The following PLCB1 variants were observed in gnomAD, a reference collection of about 807,000 sequenced individuals.
PLCB1 encodes phospholipase C beta 1.
Under a neutral mutation model 161.8 loss-of-function variants are expected in PLCB1, and 46 were observed. The observed-to-expected ratio is 0.28, with a 90% CI of 0.22 to 0.36. The LOEUF (loss-of-function observed/expected upper bound fraction) is 0.36, where lower values mean the gene tolerates loss of function less well. Ranked by LOEUF, PLCB1 falls within the 10% of genes least tolerant of loss-of-function variation. PLCB1 has a pLI of 1.00. For synonymous variants in PLCB1, 517 were observed against 503.7 expected, an observed-to-expected ratio of 1.03 and a Z score of -0.35; for missense variants, 1,016 against 1,472.5, an observed-to-expected ratio of 0.69 and a Z score of 5.07.
intron 31 of PLCB1, among the ~76,000 whole-genome samples, chr20:8,868,981 T>G (rs989089335): frequency 4.6e-5 from 7 of 152,174 alleles, no homozygotes; most frequent in African/African-American, 1.7e-4. Flanking sequence ...GCTGAACCAC[T>G]TGGATGGTAG....
intron 2 of PLCB1, among the ~76,000 whole-genome samples, chr20:8,244,976 A>G (rs561764705): frequency 8.8e-5 from 13 of 148,034 alleles, no homozygotes; most frequent in African/African-American, 3.3e-4. Flanking sequence ...GAGAGGTTCT[A>G]TTTTGGAGGG....
intron 3 of PLCB1, among the ~76,000 whole-genome samples, chr20:8,373,670 T>C (rs1312590935): frequency 6.6e-6 from 1 of 152,220 alleles, no homozygotes; most frequent in Non-Finnish European, 1.5e-5. Flanking sequence ...ACTTACTAAA[T>C]ATTAGCCAAT....
chr20:8,285,789 T>C (rs987579404), intron 2 of PLCB1, among the ~76,000 whole-genome samples: 2 of 152,088 alleles, frequency 1.3e-5, no homozygotes, highest in Admixed American at 1.3e-4. Flanking sequence ...CAGTGCGGGG[T>C]TTGTAGGATA....
At chr20:8,666,415 T>C (rs912004309) in intron 9 of PLCB1, among the ~76,000 whole-genome samples, 6 of 152,074 alleles carry the variant, frequency 3.9e-5, no homozygotes, top group African/African-American at 1.4e-4. Context: ...TTGCTGAGCA[T>C]TGAGAGAAAA....
At chr20:8,656,639 T>G (rs1989464955) in intron 7 of PLCB1, among the ~76,000 whole-genome samples, 1 of 152,000 alleles carries the variant, frequency 6.6e-6, no homozygotes, top group Non-Finnish European at 1.5e-5. Flanking sequence ...GTCCTACTTA[T>G]GAAAACTGTT....
intron 3 of PLCB1, among the ~76,000 whole-genome samples, chr20:8,525,158 GAA>G (rs11475971): frequency 0.063 from 9,481 of 151,202 alleles, 388 homozygotes; most frequent in South Asian, 0.091. Context: ...GGAGAAGGGG[GAA>G]AAAAAAAGTA....
intron 12 of PLCB1, among the ~76,000 whole-genome samples, chr20:8,710,563 G>A (rs1433952854): frequency 5.3e-5 from 7 of 132,796 alleles, no homozygotes; most frequent in Admixed American, 3.5e-4. Context: ...TGCCCAGGCT[G>A]GAGTGCCATG....
chr20:8,499,142 G>A (rs533396710), intron 3 of PLCB1, among the ~76,000 whole-genome samples: 127 of 152,272 alleles, frequency 8.3e-4, no homozygotes, highest in African/African-American at 2.8e-3. Context: ...ATTTTGAGCC[G>A]GATGTGGTTT....
intron 2 of PLCB1, among the ~76,000 whole-genome samples, chr20:8,166,496 A>G (rs192509731): frequency 5.3e-5 from 8 of 152,236 alleles, no homozygotes; most frequent in Admixed American, 3.3e-4. Context: ...CTCACATGTT[A>G]GGGAATCTCA....
chr20:8,392,063 T>C (rs1687079331), intron 3 of PLCB1, among the ~76,000 whole-genome samples: 1 of 151,890 alleles, frequency 6.6e-6, no homozygotes, highest in Non-Finnish European at 1.5e-5. Context: ...AGCAGCGAGT[T>C]CCTATAGTTT....
chr20:8,835,460 C>T (rs1276899791), intron 31 of PLCB1, among the ~76,000 whole-genome samples: 1 of 151,964 alleles, frequency 6.6e-6, no homozygotes. Flanking sequence ...AGTCCCTAAC[C>T]ACAGGCTTTA....
chr20:8,708,817 A>T (rs1232705792), intron 12 of PLCB1, 65 bp downstream of exon 12: 33 of 946,724 alleles, frequency 3.5e-5, no homozygotes, highest in Non-Finnish European at 4.6e-5. Flanking sequence ...GTAATTGTTT[A>T]TCAGATTTAA....
intron 2 of PLCB1, among the ~76,000 whole-genome samples, chr20:8,236,255 G>T (rs1239412311): frequency 6.6e-6 from 1 of 151,986 alleles, no homozygotes; most frequent in Non-Finnish European, 1.5e-5. Flanking sequence ...AATAACACAG[G>T]CACAGTGACT....
chr20:8,371,352 G>A, intron 2 of PLCB1, 30 bp from the exon 3 acceptor site: 1 of 1,538,676 alleles, frequency 6.5e-7, no homozygotes. Flanking sequence ...CTGTGTCGTT[G>A]CTTAACGATT....
At chr20:8,501,680 A>G (rs1304615127) in intron 3 of PLCB1, among the ~76,000 whole-genome samples, 2 of 152,096 alleles carry the variant, frequency 1.3e-5, no homozygotes, top group Non-Finnish European at 1.5e-5. Flanking sequence ...TACCGATGCC[A>G]TATCTTGGCC....
At chr20:8,800,684 C>T (rs1029607092) in intron 31 of PLCB1, among the ~76,000 whole-genome samples, 2 of 152,044 alleles carry the variant, frequency 1.3e-5, no homozygotes, top group African/African-American at 4.8e-5. Context: ...AGATTTGTTT[C>T]CTTTTTCTTT....
At chr20:8,372,371 T>G (rs1440649860) in intron 3 of PLCB1, among the ~76,000 whole-genome samples, 1 of 152,228 alleles carries the variant, frequency 6.6e-6, no homozygotes, top group Non-Finnish European at 1.5e-5. Flanking sequence ...TCACCTGGAA[T>G]AATTATTCTT....
At chr20:8,330,693 A>G (rs1016721222) in intron 2 of PLCB1, among the ~76,000 whole-genome samples, 2 of 152,232 alleles carry the variant, frequency 1.3e-5, no homozygotes, top group African/African-American at 2.4e-5. Context: ...AGTGTTCTAC[A>G]AGTCTGCTTT....
intron 3 of PLCB1, among the ~76,000 whole-genome samples, chr20:8,528,080 C>T (rs1984654269): frequency 6.6e-6 from 1 of 152,032 alleles, no homozygotes; most frequent in Non-Finnish European, 1.5e-5. Flanking sequence ...ATTATGCAGT[C>T]ATCAAGAATA....
Sources: allele counts gnomAD v4.1 joint callset (sites outside exome capture counted in the v4.1 genomes callset), GRCh38; gene constraint gnomAD v4.1.1; transcripts MANE v1.5; gene names NCBI Gene and HGNC (gene_info 2026-07-23, HGNC 2026-07-21).